TMPRSS9: variants seen among roughly 807,000 people sequenced by gnomAD.
TMPRSS9 encodes the protein transmembrane serine protease 9.
A neutral mutation model predicts 111.4 loss-of-function variants in TMPRSS9; 113 were observed. The ratio of observed to expected loss-of-function variants is 1.01; its 90% CI spans 0.87 to 1.19. The LOEUF is 1.19. Ranked by LOEUF, TMPRSS9 falls within the 50% of genes most tolerant of loss-of-function variation. The probability of loss-of-function intolerance (pLI) is 0.00; values close to 1 mark genes in which losing one functional copy is unlikely to be tolerated. For missense variants in TMPRSS9, 1,803 were observed against 1,513.1 expected, an observed-to-expected ratio of 1.19 and a Z score of -3.18; for synonymous variants, 805 against 659.1, an observed-to-expected ratio of 1.22 and a Z score of -3.39.
At chr19:2,382,719 A>G (rs1387168762) in intron 1 of TMPRSS9, among the ~76,000 whole-genome samples, 2 of 151,712 alleles carry the variant, frequency 1.3e-5, no homozygotes, top group African/African-American at 4.9e-5. Context: ...GCACACATGC[A>G]CACAGATACA....
chr19:2,402,655 T>C (rs974081208), intron 5 of TMPRSS9, among the ~76,000 whole-genome samples: 2 of 152,140 alleles, frequency 1.3e-5, no homozygotes, highest in African/African-American at 4.8e-5. Flanking sequence ...TGAGAATCAC[T>C]TCAACCAGGG....
chr19:2,426,098 G>C (rs1343627842), exon 18 of TMPRSS9: 2 of 1,542,158 alleles, frequency 1.3e-6, no homozygotes, highest in African/African-American at 3.3e-5. Context: ...ACCACCACGT[G>C]ACTGCCCAGG....
intron 10 of TMPRSS9, 46 bp from the exon 12 acceptor site, chr19:2,415,624 C>T (rs768390388): frequency 2.1e-5 from 31 of 1,462,992 alleles, no homozygotes; most frequent in South Asian, 7.1e-5. Context: ...TGCTCCCACC[C>T]GAGCAGGCCA....
At chr19:2,413,669 C>A (rs752291975) in intron 9 of TMPRSS9, 31 bp from the exon 11 acceptor site, 1 of 1,577,282 alleles carries the variant, frequency 6.3e-7, no homozygotes, top group South Asian at 1.1e-5. Flanking sequence ...CTGCTGCCGA[C>A]CCATCCTGAG....
chr19:2,408,820 A>G (rs906363980), intron 8 of TMPRSS9, among the ~76,000 whole-genome samples, 190 bp downstream of exon 9: 1 of 65,400 alleles, frequency 1.5e-5, no homozygotes, highest in Non-Finnish European at 2.7e-5. Flanking sequence ...ACTAAAAAAT[A>G]CACACACACA....
At chr19:2,418,288 C>T in intron 13 of TMPRSS9, 150 bp downstream of exon 14, 1 of 718,352 alleles carries the variant, frequency 1.4e-6, no homozygotes, top group South Asian at 2.2e-5. Flanking sequence ...TTTTCCTTTC[C>T]TCCTTTCCTT....
At chr19:2,377,305 G>GTATA (rs1407177262) in intron 1 of TMPRSS9, among the ~76,000 whole-genome samples, 1 of 119,432 alleles carries the variant, frequency 8.4e-6, no homozygotes, top group African/African-American at 5.0e-5. Flanking sequence ...ATGTATGTAT[G>GTATA]TATGTATGTA....
chr19:2,418,345 C>T lies in TMPRSS9; in HGVS notation c.2154+207C>T, dbSNP rs1157738316. Among the ~76,000 whole-genome samples the T allele has an allele frequency of 3.0e-3, 136 of 44,820 alleles. 15 individuals carry two copies. The highest frequency in any genetic ancestry group is 6.6e-3 in the African/African-American group (47 of 7,080). 29.4% of individuals were successfully genotyped at this position (44,820 alleles called of 152,430 possible). ...TCCCTCCCTCCCTTTCCTTCCCTCC[C>T]TTTCCCTCCCTCCCTCCCTTCCCTT... On this transcript the variant is annotated intron_variant, in intron 13 of 17. Transcript: ENST00000648592.
exon 13 of TMPRSS9, chr19:2,418,021 G>A (rs150673227): frequency 4.0e-5 from 65 of 1,611,582 alleles, no homozygotes; most frequent in Non-Finnish European, 5.4e-5. Context: ...CCGAGCTCCT[G>A]CAGAAGGCGT....
intron 1 of TMPRSS9, among the ~76,000 whole-genome samples, chr19:2,363,735 G>A (rs1040199099): frequency 2.6e-5 from 4 of 151,558 alleles, no homozygotes; most frequent in Non-Finnish European, 5.9e-5. Flanking sequence ...GCATAACAGG[G>A]AAGCTGCCCA....
At chr19:2,425,216 C>A in exon 16 of TMPRSS9, 2 of 1,481,198 alleles carry the variant, frequency 1.4e-6, no homozygotes, top group Non-Finnish European at 1.8e-6. Flanking sequence ...GCCGCGACCC[C>A]CGGACGGCAC....
chr19:2,384,064 C>T (rs1490375784), intron 1 of TMPRSS9, among the ~76,000 whole-genome samples: 3 of 152,078 alleles, frequency 2.0e-5, no homozygotes, highest in Non-Finnish European at 4.4e-5. Flanking sequence ...TCCACTCCCT[C>T]CAGAGAAGCC....
intron 1 of TMPRSS9, among the ~76,000 whole-genome samples, chr19:2,365,140 T>C (rs1035873917): frequency 6.6e-6 from 1 of 152,166 alleles, no homozygotes; most frequent in Admixed American, 6.5e-5. Context: ...AAGGTTATTT[T>C]TTAATCTCTG....
intron 1 of TMPRSS9, among the ~76,000 whole-genome samples, chr19:2,383,914 G>A (rs999690515): frequency 1.3e-5 from 2 of 152,096 alleles, no homozygotes; most frequent in Non-Finnish European, 2.9e-5. Context: ...CCAAGGTATT[G>A]CATAGACTGA....
intron 1 of TMPRSS9, among the ~76,000 whole-genome samples, chr19:2,394,960 T>G (rs1970677176): frequency 6.6e-6 from 1 of 152,246 alleles, no homozygotes; most frequent in Admixed American, 6.5e-5. Context: ...CTTTGTACTT[T>G]GGACACAACA....
chr19:2,389,727 A>T, upstream of TMPRSS9: 2 of 1,559,684 alleles, frequency 1.3e-6, no homozygotes, highest in Non-Finnish European at 1.7e-6. Flanking sequence ...TCAGCCTCTG[A>T]CCCCGTGTTT....
upstream of TMPRSS9, among the ~76,000 whole-genome samples, chr19:2,385,445 C>CA (rs1426163381): frequency 1.3e-5 from 2 of 152,102 alleles, no homozygotes; most frequent in African/African-American, 2.4e-5. Context: ...GCGGTGTTGC[C>CA]GTTGCACATG....
intron 10 of TMPRSS9, among the ~76,000 whole-genome samples, 186 bp from the exon 12 acceptor site, chr19:2,415,484 G>A (rs1029033048): frequency 3.3e-5 from 5 of 152,130 alleles, no homozygotes; most frequent in African/African-American, 4.8e-5. Context: ...GCGAGGCCAC[G>A]AACTTGCTGC....
chr19:2,408,262 C>T lies in TMPRSS9; in HGVS notation c.843-94C>T, dbSNP rs1255743249. The T allele has an allele frequency of 6.6e-6, 8 of 1,219,378 alleles. No individual in the cohort carries two copies. The East Asian group carries it at 1.4e-4, about 22-fold the overall frequency. 75.5% of individuals were successfully genotyped at this position (1,219,378 alleles called of 1,614,324 possible). On this transcript the variant is annotated intron_variant, in intron 7 of 17. Coordinates refer to ENST00000648592, the Ensembl canonical transcript of TMPRSS9. ...TCATAAATATTAATGTGGGGGGATA[C>T]CCCTTACATTTTGCACCCAAGGCGA... is the stretch of plus-strand genomic sequence containing the variant.
Sources: allele counts gnomAD v4.1 joint callset (sites outside exome capture counted in the v4.1 genomes callset), GRCh38; gene constraint gnomAD v4.1.1; transcripts MANE v1.5; gene names NCBI Gene and HGNC (gene_info 2026-07-23, HGNC 2026-07-21).